Variants in EPS8 observed in about 807,000 individuals in gnomAD.
EPS8 encodes epidermal growth factor receptor kinase substrate 8.
Under a neutral mutation model 103.8 loss-of-function variants are expected in EPS8, and 42 were observed. That is an observed-to-expected ratio of 0.40 (90% CI 0.32 to 0.52). EPS8 has a LOEUF of 0.52. EPS8 is among the 20% of genes least tolerant of loss of function. The pLI, the probability that EPS8 is intolerant of heterozygous loss-of-function variation, is 0.40. For synonymous variants in EPS8, 344 were observed against 344.6 expected, an observed-to-expected ratio of 1.00 and a Z score of 0.02; for missense variants, 969 against 1,005.1, an observed-to-expected ratio of 0.96 and a Z score of 0.49.
chr12:15,700,872 C>T lies in EPS8; in HGVS notation c.-21-17900G>A, dbSNP rs1946302938. Reference sequence around the variant, plus strand: ...GATTAGACAAAATTGAAGTCTATCACAAAATAGACAAAGGACATATATTTT... The same window carrying T: ...GATTAGACAAAATTGAAGTCTATCATAAAATAGACAAAGGACATATATTTT... On this transcript the variant is annotated intron_variant, in intron 1 of 20. Coordinates refer to ENST00000281172, the MANE Select transcript of EPS8 (RefSeq NM_004447.6). This position sits in a 1 kb window ranked among gnomAD's most constrained non-coding sequence, Gnocchi z 5.1. Among the ~76,000 whole-genome samples, 1 of 152,070 alleles carries T rather than the reference C, an allele frequency of 6.6e-6. No individual in the cohort carries two copies. Among genetic ancestry groups the T allele is most frequent in the Admixed American group, 6.6e-5 (1 of 15,266 alleles).
At chr12:15,667,911 G>A (rs970776110) in intron 6 of EPS8, among the ~76,000 whole-genome samples, 2 of 152,050 alleles carry the variant, frequency 1.3e-5, no homozygotes, top group Non-Finnish European at 2.9e-5. Flanking sequence ...ATCAAGTAAA[G>A]CAAGCCATTT....
intron 3 of EPS8, among the ~76,000 whole-genome samples, chr12:15,678,258 C>A (rs1565495610): frequency 6.6e-6 from 1 of 152,122 alleles, no homozygotes; most frequent in Non-Finnish European, 1.5e-5. Context: ...ATCCATCTGT[C>A]CATTCATTCC....
chr12:15,706,415 A>G lies in EPS8; in HGVS notation c.-21-23443T>C, dbSNP rs1024244759. 3.3e-5 allele frequency among the ~76,000 whole-genome samples: 5 copies of G among 151,576 alleles called. No homozygotes were observed. The highest frequency in any genetic ancestry group is 1.2e-4 in the African/African-American group (5 of 41,242). On this transcript the variant is annotated intron_variant, in intron 1 of 20. Transcript: ENST00000281172. This position sits in a 1 kb window ranked among gnomAD's most constrained non-coding sequence, Gnocchi z 5.2. ...TTATCTTTTATATCTTTGCCTATCT[A>G]AATCTTGTATCTCAGCTTAAATGGC...
At chr12:15,783,394 A>G (rs1947279312) in intron 1 of EPS8, among the ~76,000 whole-genome samples, 1 of 152,188 alleles carries the variant, frequency 6.6e-6, no homozygotes, top group Non-Finnish European at 1.5e-5. Context: ...GAAGTCAAAA[A>G]TTATACAAAA....
In EPS8 at chr12:15,660,619, G is replaced by T. The variant is rs775639811; in HGVS notation, c.932C>A (p.Pro311Gln). ...KKNKKGKRKG[P>Q]GEGVLTLRAK... is the part of the protein sequence containing the mutation. ...ATTAAGAAAATCCAACTTACCTCCT[G>T]GTCCTTTCCTTTTACCTTTCTTGTT... The change falls in exon 10 of 21, where the codon CCA (proline) becomes CAA (glutamine). Residue 311 changes from proline to glutamine, a missense_variant. Pro to Gln is a moderately conservative substitution (Grantham distance 76). Coordinates refer to ENST00000281172, the MANE Select transcript of EPS8 (RefSeq NM_004447.6). 4.9e-6 allele frequency: 7 copies of T among 1,425,076 alleles called. No homozygotes were observed. Among genetic ancestry groups the T allele is most frequent in the Non-Finnish European group, 6.0e-6 (6 of 1,008,200 alleles). The allele number at this position is 1,425,076 out of a possible 1,614,324, so 88.3% of individuals were successfully genotyped here.
At position 15,757,116 on chromosome 12, in the gene EPS8, T is replaced by G. The variant is rs1946993521; in HGVS notation, c.-22+32045A>C. ...TATCTCATAAATTTTATGTCCCTAG[T>G]AACTGTAATAGAAACCTAGAAATAT... On this transcript the variant is annotated intron_variant, in intron 1 of 20. Coordinates refer to ENST00000281172, the MANE Select transcript of EPS8 (RefSeq NM_004447.6). The surrounding 1 kb of genome is among the most constrained non-coding windows in gnomAD (Gnocchi z 4.1). Among the ~76,000 whole-genome samples, 1 of 152,192 alleles carries G rather than the reference T, an allele frequency of 6.6e-6. No individual in the cohort carries two copies. The highest frequency in any genetic ancestry group is 2.1e-4 in the South Asian group (1 of 4,832).
intron 20 of EPS8, among the ~76,000 whole-genome samples, chr12:15,622,293 G>A (rs567354885): frequency 6.6e-6 from 1 of 152,046 alleles, no homozygotes; most frequent in Non-Finnish European, 1.5e-5. Context: ...CTTTAATATG[G>A]AGCCTTCAAG....
intron 1 of EPS8, among the ~76,000 whole-genome samples, chr12:15,746,184 A>G (rs1268733803): frequency 6.6e-6 from 1 of 152,160 alleles, no homozygotes; most frequent in Non-Finnish European, 1.5e-5. Flanking sequence ...GACTTCCTAG[A>G]ACTCAACTGC....
In EPS8 at chr12:15,690,226, G is replaced by A. The variant is rs533630671; in HGVS notation, c.-21-7254C>T. On this transcript the variant is annotated intron_variant, in intron 1 of 20. Transcript: ENST00000281172. The surrounding 1 kb of genome is among the most constrained non-coding windows in gnomAD (Gnocchi z 4.7). The stretch of plus-strand genomic sequence containing the variant: ...ATCTTTATAAATGCTTACAACATAC[G>A]AAGTGGAAAATGGTATCTTTAGGCA... Among the ~76,000 whole-genome samples, 8 of 152,168 alleles carry A rather than the reference G, an allele frequency of 5.3e-5. No individual in the cohort carries two copies. The highest frequency in any genetic ancestry group is 3.9e-4 in the East Asian group (2 of 5,180).
intron 3 of EPS8, among the ~76,000 whole-genome samples, chr12:15,680,571 A>C (rs1258815336): frequency 1.3e-5 from 2 of 152,142 alleles, no homozygotes; most frequent in African/African-American, 4.8e-5. Context: ...CTTTGCTATT[A>C]ACCACAATAT....
At chr12:15,629,513 G>A (rs1945006712) in intron 18 of EPS8, among the ~76,000 whole-genome samples, 1 of 152,160 alleles carries the variant, frequency 6.6e-6, no homozygotes, top group African/African-American at 2.4e-5. Flanking sequence ...TTAAAACTAT[G>A]TCTTTAGTGT....
At position 15,695,408 on chromosome 12, in the gene EPS8, C is replaced by T. The variant is rs945174484; in HGVS notation, c.-21-12436G>A. Among the ~76,000 whole-genome samples the T allele has an allele frequency of 3.9e-4, 59 of 152,184 alleles. No individual in the cohort carries two copies. The highest frequency in any genetic ancestry group is 1.4e-3 in the African/African-American group (59 of 41,440). On this transcript the variant is annotated intron_variant, in intron 1 of 20. Coordinates refer to ENST00000281172, the MANE Select transcript of EPS8 (RefSeq NM_004447.6). The surrounding 1 kb of genome is among the most constrained non-coding windows in gnomAD (Gnocchi z 5.0). ...GCTCTCGCACAGTCCCATACAACTT[C>T]CTAGAATAATAGAAATGCACTATAT...
rs144023963 is a variant in EPS8, at chr12:15,637,274, G to A, written c.1821+3429C>T. Among the ~76,000 whole-genome samples, 433 of 152,334 alleles carry A rather than the reference G, an allele frequency of 2.8e-3. 3 individuals carry two copies. Among genetic ancestry groups the A allele is most frequent in the African/African-American group, 1.0e-2 (415 of 41,570 alleles). ...CACCTCAAGTGATCTGCCTGCCTCG[G>A]CCTCCCAAAGTTCTGGGATTACAGG... is the stretch of plus-strand genomic sequence containing the variant. On this transcript the variant is annotated intron_variant, in intron 17 of 20. Transcript: ENST00000281172.
rs1346257271 is a variant in EPS8, at chr12:15,647,252, A to G, written c.1443T>C (p.Ser481=). 58 of 1,611,590 alleles carry G rather than the reference A, an allele frequency of 3.6e-5. No individual in the cohort carries two copies. The highest frequency in any genetic ancestry group is 4.8e-5 in the Non-Finnish European group (57 of 1,178,986). The change falls in exon 15 of 21, where the codon AGT becomes AGC. Residue 481 remains serine, a synonymous_variant. Coordinates refer to ENST00000281172, the MANE Select transcript of EPS8 (RefSeq NM_004447.6). ...EIKRLSTEHS[S]VSEYHPADGY... Reference sequence around the variant, plus strand: ...CATCGGCTGGATGATACTCTGATACACTGGAATGCTGAAAGACAAAGTGGG... The same window carrying G: ...CATCGGCTGGATGATACTCTGATACGCTGGAATGCTGAAAGACAAAGTGGG...
chr12:15,753,928 C>A (rs1320601519), intron 1 of EPS8, among the ~76,000 whole-genome samples: 1 of 152,168 alleles, frequency 6.6e-6, no homozygotes, highest in Non-Finnish European at 1.5e-5. Flanking sequence ...GTCACTCATG[C>A]AAGGAAAGGG....
intron 17 of EPS8, among the ~76,000 whole-genome samples, chr12:15,633,355 G>A (rs956467940): frequency 3.3e-5 from 5 of 152,176 alleles, no homozygotes; most frequent in Non-Finnish European, 7.3e-5. Flanking sequence ...TCCTCTGCAC[G>A]TAATTTCATG....
In EPS8 at chr12:15,767,917, A is replaced by G. The variant is rs922444744; in HGVS notation, c.-22+21244T>C. 9.2e-5 allele frequency among the ~76,000 whole-genome samples: 14 copies of G among 152,374 alleles called. No homozygotes were observed. Among genetic ancestry groups the G allele is most frequent in the Admixed American group, 6.5e-4 (10 of 15,306 alleles). On this transcript the variant is annotated intron_variant, in intron 1 of 20. Coordinates refer to ENST00000281172, the MANE Select transcript of EPS8 (RefSeq NM_004447.6). The surrounding 1 kb of genome is among the most constrained non-coding windows in gnomAD (Gnocchi z 5.5). ...GATATTTTTGGTTGTTATTTTACAAATAAAGTTTTCCATTCAATTTAGAAT... is the reference window on the plus strand; with the variant it reads ...GATATTTTTGGTTGTTATTTTACAAGTAAAGTTTTCCATTCAATTTAGAAT...
chr12:15,675,857 T>C (rs375862707), intron 3 of EPS8, among the ~76,000 whole-genome samples: 3 of 152,240 alleles, frequency 2.0e-5, no homozygotes, highest in African/African-American at 7.2e-5. Context: ...GGAAAGTCTA[T>C]CTATTCAGAA....
intron 1 of EPS8, among the ~76,000 whole-genome samples, chr12:15,742,171 CAT>C (rs1333196950): frequency 6.6e-6 from 1 of 152,198 alleles, no homozygotes. Flanking sequence ...CCGCTATAAA[CAT>C]ATGTGTGCAT....
Sources: allele counts gnomAD v4.1 joint callset (sites outside exome capture counted in the v4.1 genomes callset), GRCh38; gene constraint gnomAD v4.1.1; non-coding constraint Gnocchi (gnomAD v3.1); transcripts MANE v1.5; gene names NCBI Gene and HGNC (gene_info 2026-07-23, HGNC 2026-07-21).